SYNE2: variants seen among roughly 807,000 people sequenced by gnomAD.
The protein encoded by SYNE2 is spectrin repeat containing nuclear envelope protein 2.
A neutral mutation model predicts 856.3 loss-of-function variants in SYNE2; 431 were observed. The observed-to-expected ratio is 0.50, with a 90% CI of 0.47 to 0.55. The LOEUF (loss-of-function observed/expected upper bound fraction) is 0.55. Among genes scored for constraint, SYNE2 ranks in the 20% least tolerant of loss-of-function variants. The pLI, the probability that SYNE2 is intolerant of heterozygous loss-of-function variation, is 0.00. For missense variants in SYNE2, 8,129 were observed against 8,023.2 expected (o/e 1.01, Z -0.50); for synonymous variants, 2,923 against 2,872.3 (o/e 1.02, Z -0.56).
chr14:64,098,304 A>G (rs1023165406), intron 62 of SYNE2, 158 bp downstream of exon 62: 6 of 800,498 alleles, frequency 7.5e-6, no homozygotes, highest in East Asian at 2.7e-5. Flanking sequence ...TTACTAGTGA[A>G]TATAAATCCT....
chr14:63,924,741 G>T (rs749331920), intron 2 of SYNE2, among the ~76,000 whole-genome samples: 1 of 146,374 alleles, frequency 6.8e-6, no homozygotes, highest in African/African-American at 2.5e-5. Flanking sequence ...ATTAGTTTTG[G>T]TATATTTTTT....
intron 78 of SYNE2, among the ~76,000 whole-genome samples, chr14:64,134,934 C>G (rs2098071330): frequency 6.6e-6 from 1 of 152,120 alleles, no homozygotes; most frequent in Non-Finnish European, 1.5e-5. Flanking sequence ...TTGCAGTGAG[C>G]CAAGATCATG....
intron 87 of SYNE2, among the ~76,000 whole-genome samples, chr14:64,160,411 T>C (rs1417191486): frequency 6.6e-6 from 1 of 152,244 alleles, no homozygotes; most frequent in African/African-American, 2.4e-5. Context: ...TACCTCTAGA[T>C]AAATGAGATG....
intron 2 of SYNE2, among the ~76,000 whole-genome samples, chr14:63,936,085 C>G (rs145714252): frequency 0.035 from 5,295 of 152,108 alleles, 309 homozygotes; most frequent in African/African-American, 0.12. Context: ...ATGTTGGCCA[C>G]GCTGGTCTCG....
intron 15 of SYNE2, 23 bp from the exon 16 acceptor site, chr14:63,980,963 T>C: frequency 6.7e-7 from 1 of 1,492,962 alleles, no homozygotes; most frequent in Non-Finnish European, 9.2e-7. Flanking sequence ...TAAGATTACT[T>C]TTTTGTTTTG....
intron 1 of SYNE2, among the ~76,000 whole-genome samples, chr14:63,771,724 C>T (rs1886918748): frequency 6.6e-6 from 1 of 151,852 alleles, no homozygotes; most frequent in Non-Finnish European, 1.5e-5. Context: ...AGGGTGAAAC[C>T]CTGTCTCTAC....
intron 10 of SYNE2, among the ~76,000 whole-genome samples, chr14:63,965,930 A>G (rs147064395): frequency 6.6e-6 from 1 of 152,212 alleles, no homozygotes; most frequent in African/African-American, 2.4e-5. Flanking sequence ...TGATTTAATA[A>G]TGTATCACAG....
chr14:63,779,074 C>T (rs1409176910), intron 1 of SYNE2, among the ~76,000 whole-genome samples: 1 of 151,994 alleles, frequency 6.6e-6, no homozygotes, highest in East Asian at 1.9e-4. Flanking sequence ...AATCCTAGCA[C>T]ATTGGGAGGT....
chr14:64,035,935 A>G (rs2097085893), intron 45 of SYNE2, among the ~76,000 whole-genome samples: 1 of 143,970 alleles, frequency 6.9e-6, no homozygotes. Context: ...AAGTTATCTT[A>G]TCTGTACTCA....
chr14:64,225,574 G>A lies in SYNE2; in HGVS notation c.*48G>A, dbSNP rs1467567304. The A allele has an allele frequency of 6.3e-7, 1 of 1,596,766 alleles. No individual in the cohort carries two copies. The highest frequency in any genetic ancestry group is 8.6e-7 in the Non-Finnish European group (1 of 1,167,702). On this transcript the variant is annotated 3_prime_UTR_variant, in exon 116 of 116. Transcript: ENST00000555002. ...TACACCACCTGCCTGATTGCCAAGG[G>A]TGCCCAGCACGTGGCCCCAGACCAA...
chr14:64,159,502 T>C (rs767405100), intron 87 of SYNE2, 60 bp downstream of exon 87: 4 of 1,589,158 alleles, frequency 2.5e-6, no homozygotes, highest in Non-Finnish European at 3.4e-6. Flanking sequence ...TTGTGAAGAA[T>C]GAGGGGGCAT....
chr14:64,003,390 C>G (rs1220217205), intron 30 of SYNE2, 60 bp downstream of exon 30: 1 of 1,596,572 alleles, frequency 6.3e-7, no homozygotes. Context: ...ATTTTCACTT[C>G]TGTTAGGTGA....
chr14:64,138,426 G>A (rs1050220167), intron 79 of SYNE2, among the ~76,000 whole-genome samples: 3 of 151,876 alleles, frequency 2.0e-5, no homozygotes, highest in Admixed American at 1.3e-4. Context: ...TAGAGATGGG[G>A]TCTCACATTG....
chr14:63,817,630 T>C (rs1207977494), intron 1 of SYNE2, among the ~76,000 whole-genome samples: 1 of 152,118 alleles, frequency 6.6e-6, no homozygotes. Context: ...AATAAACCAA[T>C]GTAACATATT....
chr14:63,832,231 G>A (rs1163658661), intron 1 of SYNE2, among the ~76,000 whole-genome samples: 3 of 151,922 alleles, frequency 2.0e-5, no homozygotes, highest in African/African-American at 7.2e-5. Context: ...GCTGAGTGTG[G>A]TGGCCCACAC....
chr14:64,089,046 A>G (rs1057203376), intron 58 of SYNE2, among the ~76,000 whole-genome samples: 7 of 152,152 alleles, frequency 4.6e-5, no homozygotes, highest in Admixed American at 2.0e-4. Context: ...GCTATTGTAC[A>G]TACTGCTTCA....
intron 96 of SYNE2, among the ~76,000 whole-genome samples, chr14:64,184,329 G>GTGTGTGTGT (rs2098477436): frequency 6.9e-6 from 1 of 144,164 alleles, no homozygotes; most frequent in African/African-American, 2.6e-5. Flanking sequence ...TATGCATAGG[G>GTGTGTGTGT]GTGTGTGTGT....
intron 1 of SYNE2, among the ~76,000 whole-genome samples, chr14:63,771,295 C>T (rs1323859984): frequency 6.6e-6 from 1 of 151,832 alleles, no homozygotes; most frequent in Non-Finnish European, 1.5e-5. Flanking sequence ...TGGTCTCGAT[C>T]TCTTGACCTC....
chr14:64,208,677 G>A (rs752897287), intron 100 of SYNE2, 81 bp from the exon 101 acceptor site: 5 of 1,451,336 alleles, frequency 3.4e-6, no homozygotes, highest in Non-Finnish European at 4.8e-6. Context: ...GAGAAGGGAG[G>A]GAGGAACGGA....
Sources: gnomAD v4.1 joint callset for allele counts (sites outside exome capture counted in the v4.1 genomes callset) on GRCh38, gnomAD v4.1.1 for gene constraint, MANE v1.5 for transcripts, NCBI Gene and HGNC (gene_info 2026-07-23, HGNC 2026-07-21) for gene names.